Variants in EGLN1 observed in about 807,000 individuals in gnomAD.
EGLN1 encodes egl nine homolog 1.
In EGLN1, 17 loss-of-function variants were observed where a neutral mutation model predicts 38.3. The observed-to-expected ratio is 0.44, with a 90% confidence interval of 0.30 to 0.67. The LOEUF is 0.67. EGLN1 is among the 30% of genes least tolerant of loss of function. EGLN1 has a pLI of 0.08. For missense variants in EGLN1, 477 were observed against 603.3 expected, an observed-to-expected ratio of 0.79 and a Z score of 2.19; for synonymous variants, 283 against 257.5, an observed-to-expected ratio of 1.10 and a Z score of -0.95.
chr1:231,413,277 T>C (rs777939391), intron 1 of EGLN1, among the ~76,000 whole-genome samples: 20 of 152,104 alleles, frequency 1.3e-4, no homozygotes, highest in Admixed American at 1.2e-3. Context: ...GGTTTCACCA[T>C]GTTGGCCAGG....
rs147736047 is a variant in EGLN1, at chr1:231,377,314, T to C, written c.892-3215A>G. Among the ~76,000 whole-genome samples, 58 of 152,268 alleles carry C rather than the reference T, an allele frequency of 3.8e-4. No homozygotes were observed. The East Asian group carries it at 0.01, about 27-fold the overall frequency. ...ACAGGGAATCTGGTTCCAGAACCCA[T>C]GGAATTAACCACTGTACTAGACTGC... On this transcript the variant is annotated intron_variant, in intron 1 of 4. Transcript: ENST00000366641.
intron 1 of EGLN1, among the ~76,000 whole-genome samples, chr1:231,394,928 C>G (rs1688483408): frequency 6.6e-6 from 1 of 152,150 alleles, no homozygotes; most frequent in African/African-American, 2.4e-5. Context: ...TAAGGCCAAT[C>G]CTGCCTCCTA....
At chr1:231,397,751 A>T (rs1197949330) in intron 1 of EGLN1, among the ~76,000 whole-genome samples, 16 of 152,238 alleles carry the variant, frequency 1.1e-4, no homozygotes, top group Admixed American at 3.3e-4. Context: ...TGTTGCAAGA[A>T]GATCTCCAAG....
rs564858449 is a variant in EGLN1 at position 231,380,264 on chromosome 1, G to A, written c.892-6165C>T. On this transcript the variant is annotated intron_variant, in intron 1 of 4. Coordinates refer to ENST00000366641, the MANE Select transcript of EGLN1 (RefSeq NM_022051.3). ...CCGGGAGGCGGAGCTTGCAGTGAGC[G>A]GAGATCGCGCCACTGCACTCAAGCC... is the stretch of plus-strand genomic sequence containing the variant. Among the ~76,000 whole-genome samples, 521 of 147,740 alleles carry A rather than the reference G, an allele frequency of 3.5e-3. 5 individuals are homozygous for A. The highest frequency in any genetic ancestry group is 0.012 in the African/African-American group (484 of 40,424).
intron 1 of EGLN1, among the ~76,000 whole-genome samples, chr1:231,386,772 A>T (rs1269938541): frequency 6.6e-6 from 1 of 152,240 alleles, no homozygotes; most frequent in African/African-American, 2.4e-5. Flanking sequence ...AGAGTAACAT[A>T]AACATCTTTA....
rs908453718 is a variant in EGLN1 at position 231,364,571 on chromosome 1, A to G, written c.*1840T>C. On this transcript the variant is annotated 3_prime_UTR_variant, in exon 5 of 5. Coordinates refer to ENST00000366641, the MANE Select transcript of EGLN1 (RefSeq NM_022051.3). ...GTGAGATCACTATACTGAACATTCA[A>G]TCCCATCCTAAGTCCACTGTTGGCT... 7 of 151,888 alleles carry G rather than the reference A, an allele frequency of 4.6e-5. No homozygotes were observed. The highest frequency in any genetic ancestry group is 1.7e-4 in the African/African-American group (7 of 41,352). 9.4% of individuals were successfully genotyped at this position (151,888 alleles called of 1,614,324 possible). A position where few individuals can be genotyped will look rare whatever the true frequency, so the allele number is the denominator to read the frequency against.
At chr1:231,370,170 T>C (rs1251683529) in intron 3 of EGLN1, among the ~76,000 whole-genome samples, 1 of 152,214 alleles carries the variant, frequency 6.6e-6, no homozygotes, top group Non-Finnish European at 1.5e-5. Context: ...TTTCCTATGT[T>C]GTCCCTCACC....
intron 1 of EGLN1, among the ~76,000 whole-genome samples, chr1:231,420,747 C>A (rs1471071764): frequency 6.6e-6 from 1 of 152,058 alleles, no homozygotes; most frequent in African/African-American, 2.4e-5. Context: ...TACGTTGAGT[C>A]AAAAAACCAT....
intron 1 of EGLN1, among the ~76,000 whole-genome samples, chr1:231,415,452 T>TA (rs145361098): frequency 0.14 from 21,302 of 151,372 alleles, 1,760 homozygotes; most frequent in African/African-American, 0.21. Context: ...TCTTCTCTTT[T>TA]AAAAAAAAAT....
intron 1 of EGLN1, among the ~76,000 whole-genome samples, chr1:231,385,562 G>A (rs931370707): frequency 6.6e-6 from 1 of 152,228 alleles, no homozygotes; most frequent in African/African-American, 2.4e-5. Flanking sequence ...TGACGTGTGA[G>A]TCAAGGAATG....
chr1:231,400,948 C>G (rs899918705), intron 1 of EGLN1, among the ~76,000 whole-genome samples: 1 of 152,002 alleles, frequency 6.6e-6, no homozygotes, highest in East Asian at 1.9e-4. Context: ...TACTCAGGAG[C>G]TGAGATGGGA....
intron 1 of EGLN1, among the ~76,000 whole-genome samples, chr1:231,407,699 A>G (rs1435628798): frequency 1.3e-5 from 2 of 152,152 alleles, no homozygotes; most frequent in Non-Finnish European, 2.9e-5. Context: ...ATTGCAGTTC[A>G]TAACCTCATC....
At chr1:231,414,524 G>T (rs1244266348) in intron 1 of EGLN1, among the ~76,000 whole-genome samples, 1 of 152,100 alleles carries the variant, frequency 6.6e-6, no homozygotes, top group African/African-American at 2.4e-5. Flanking sequence ...CTACTTCAGG[G>T]CAAACGGCTT....
At chr1:231,397,844 GTTCC>G (rs1298855273) in intron 1 of EGLN1, among the ~76,000 whole-genome samples, 1 of 152,144 alleles carries the variant, frequency 6.6e-6, no homozygotes, top group African/African-American at 2.4e-5. Flanking sequence ...AAATAGAAAT[GTTCC>G]TTCATCAGTC....
rs527373843 is a variant in EGLN1 at position 231,382,997 on chromosome 1, G to A, written c.892-8898C>T. Among the ~76,000 whole-genome samples the A allele has an allele frequency of 1.3e-3, 193 of 146,524 alleles. 1 individual carries two copies. The highest frequency in any genetic ancestry group is 3.6e-3 in the Middle Eastern group (1 of 276). On this transcript the variant is annotated intron_variant, in intron 1 of 4. Transcript: ENST00000366641. The stretch of plus-strand genomic sequence containing the variant: ...CGCTTGAACCTGGGAGGTGGAGGGT[G>A]CAGTGAGCCGACATCGCACCACTGC...
chr1:231,366,223 T>A lies in EGLN1; in HGVS notation c.*188A>T. ...CTGTAAGCAATCACAGATTTGAAGT[T>A]GATCATGCAGTACAAAGTCACAGCA... On this transcript the variant is annotated 3_prime_UTR_variant, in exon 5 of 5. Coordinates refer to ENST00000366641, the MANE Select transcript of EGLN1 (RefSeq NM_022051.3). The A allele has an allele frequency of 1.6e-6, 1 of 631,900 alleles. No homozygotes were observed. Among genetic ancestry groups the A allele is most frequent in the East Asian group, 2.7e-5 (1 of 36,528 alleles). The allele number at this position is 631,900 out of a possible 1,614,324, so 39.1% of individuals were successfully genotyped here. A position where few individuals can be genotyped will look rare whatever the true frequency, so the allele number is the denominator to read the frequency against.
intron 1 of EGLN1, among the ~76,000 whole-genome samples, chr1:231,380,274 C>T (rs1469960343): frequency 6.8e-6 from 1 of 147,710 alleles, no homozygotes; most frequent in African/African-American, 2.5e-5. Context: ...GGAGATCGCG[C>T]CACTGCACTC....
At position 231,421,097 on chromosome 1, in the gene EGLN1, G is replaced by A. The variant is rs200166023; in HGVS notation, c.792C>T (p.Pro264=). The change falls in exon 1 of 5, where the codon CCC becomes CCT. Residue 264 remains proline (P), a synonymous_variant. Transcript: ENST00000366641. This position sits in a 1 kb window ranked among gnomAD's most constrained non-coding sequence, Gnocchi z 5.5. ...TGAGCAGCCCAATGGTTTCGCAGCC[G>A]GGCTCCTTGCCCTCGATCCAGGTGA... ...DKITWIEGKE[P]GCETIGLLMS... The A allele has an allele frequency of 8.1e-6, 13 of 1,614,144 alleles. No homozygotes were observed. In the African/African-American group the frequency reaches 1.7e-4, roughly 22 times the overall value.
chr1:231,411,704 G>C (rs1340860936), intron 1 of EGLN1, among the ~76,000 whole-genome samples: 5 of 151,948 alleles, frequency 3.3e-5, no homozygotes, highest in Non-Finnish European at 5.9e-5. Context: ...ATGCTCAAAA[G>C]TCCTGGATAG....
Sources: allele counts gnomAD v4.1 joint callset (sites outside exome capture counted in the v4.1 genomes callset), GRCh38; gene constraint gnomAD v4.1.1; non-coding constraint Gnocchi (gnomAD v3.1); transcripts MANE v1.5; gene names NCBI Gene and HGNC (gene_info 2026-07-23, HGNC 2026-07-21).